The following MASP2 variants were observed in gnomAD, a reference collection of about 807,000 sequenced individuals.
The protein encoded by MASP2 is MBL associated serine protease 2.
In MASP2, 49 loss-of-function variants were observed where a neutral mutation model predicts 57.1. The observed-to-expected ratio is 0.86, with a 90% CI of 0.68 to 1.09. The LOEUF is 1.09. Ranked by LOEUF, MASP2 falls within the 50% of genes least tolerant of loss-of-function variation. The probability of loss-of-function intolerance (pLI) is 0.00; values close to 1 mark genes in which losing one functional copy is unlikely to be tolerated. For missense variants in MASP2, 900 were observed against 874.8 expected (o/e 1.03, Z -0.36); for synonymous variants, 379 against 340.8 (o/e 1.11, Z -1.24).
chr1:11,038,345 C>T (rs1322376594), intron 6 of MASP2, among the ~76,000 whole-genome samples: 1 of 152,080 alleles, frequency 6.6e-6, no homozygotes. Context: ...TAGTTCTTGG[C>T]GGAGCTGTAA....
chr1:11,034,153 G>T (rs574369719), intron 8 of MASP2, among the ~76,000 whole-genome samples: 3 of 149,424 alleles, frequency 2.0e-5, no homozygotes, highest in Non-Finnish European at 4.4e-5. Flanking sequence ...TGACGTGGGA[G>T]AATCGCTTGA....
intron 7 of MASP2, among the ~76,000 whole-genome samples, chr1:11,035,563 A>G (rs1458057573): frequency 7.0e-6 from 1 of 143,714 alleles, no homozygotes; most frequent in Non-Finnish European, 1.5e-5. Context: ...ATCATATCTC[A>G]ACATTTCTGC....
intron 8 of MASP2, 93 bp from the exon 9 acceptor site, chr1:11,030,975 G>A: frequency 6.0e-6 from 8 of 1,337,252 alleles, no homozygotes; most frequent in Non-Finnish European, 8.2e-6. Flanking sequence ...GGCTGAGGCG[G>A]GCAAATCCCT....
chr1:11,033,953 ACACACACACACACTCT>A (rs200205514), intron 8 of MASP2, among the ~76,000 whole-genome samples: 3,097 of 61,504 alleles, frequency 0.05, 93 homozygotes, highest in East Asian at 0.26. Context: ...ACACACACAC[ACACACACACACACTCT>A]CTCTCTCTCT....
rs774170581 is a variant in MASP2, at chr1:11,030,127, GTCC to G, written c.1297+46_1297+48del. The G allele has an allele frequency of 3.6e-6, 5 of 1,381,156 alleles. No individual in the cohort carries two copies. In the African/African-American group the frequency reaches 5.7e-5, roughly 16 times the overall value. 85.6% of individuals were successfully genotyped at this position (1,381,156 alleles called of 1,614,324 possible). A position where few individuals can be genotyped will look rare whatever the true frequency, so the allele number is the denominator to read the frequency against. On this transcript the variant is annotated intron_variant, in intron 10 of 10. Coordinates refer to ENST00000400897, the MANE Select transcript of MASP2 (RefSeq NM_006610.4). ...AGCTCTCCTCACTGTCTCCTACCCA[GTCC>G]TCCTTTCCATCAATTACCAGTCTCT...
At chr1:11,036,524 A>C (rs1484780773) in intron 7 of MASP2, among the ~76,000 whole-genome samples, 63 of 127,734 alleles carry the variant, frequency 4.9e-4, no homozygotes, top group African/African-American at 1.6e-3. Flanking sequence ...AAAAAAAAAA[A>C]AAAAAAAAAA....
chr1:11,027,662 C>CA lies in MASP2; in HGVS notation c.1298-15dup. ...ATAGTCCACAAACTGGAGAAAGAAG[C>CA]AGATAGGTAGAGAGCCTTTGTAAAA... On this transcript the variant is annotated splice_polypyrimidine_tract_variant and intron_variant, in intron 10 of 10. Coordinates refer to ENST00000400897, the MANE Select transcript of MASP2 (RefSeq NM_006610.4). 2 of 1,585,838 alleles carry CA rather than the reference C, an allele frequency of 1.3e-6. No homozygotes were observed. The highest frequency in any genetic ancestry group is 1.7e-6 in the Non-Finnish European group (2 of 1,166,672).
chr1:11,044,828 A>G (rs1638577180), intron 4 of MASP2: 3 of 1,447,168 alleles, frequency 2.1e-6, no homozygotes, highest in Admixed American at 2.1e-5. Context: ...TATTGGGTCC[A>G]TGGTGGGTGA....
intron 9 of MASP2, chr1:11,030,493 G>A (rs1344675329): frequency 5.2e-6 from 3 of 574,764 alleles, no homozygotes; most frequent in Non-Finnish European, 9.2e-6. Context: ...TTAATGATAA[G>A]GTGTTGACTT....
chr1:11,047,146 G>C, intron 1 of MASP2, 27 bp from the exon 2 acceptor site: 2 of 1,549,876 alleles, frequency 1.3e-6, no homozygotes, highest in Non-Finnish European at 1.7e-6. Context: ...GGCGGTGAGG[G>C]CCCAGGCCTG....
chr1:11,037,725 T>G lies in MASP2; in HGVS notation c.976A>C (p.Ile326Leu). The change falls in exon 7 of 11, where the codon ATC becomes CTC. Residue 326 changes from isoleucine (I) to leucine (L), a missense_variant. Physicochemically the swap from Ile to Leu is conservative, Grantham distance 5 (BLOSUM62 2). Coordinates refer to ENST00000400897, the MANE Select transcript of MASP2 (RefSeq NM_006610.4). ...AKYILKDSFS[I>L]FCETGYELLQ... The stretch of plus-strand genomic sequence containing the variant: ...AGCTCATAGCCAGTCTCGCAAAAGA[T>G]GGAGAAGCTGTCTTTCAGGATGTAT... 6.2e-7 allele frequency: 1 copy of G among 1,612,154 alleles called. No individual in the cohort carries two copies. Among genetic ancestry groups the G allele is most frequent in the Middle Eastern group, 1.7e-4 (1 of 6,054 alleles).
chr1:11,026,987 C>A lies in MASP2; in HGVS notation c.1959G>T (p.Val653=). The change falls in exon 11 of 11, where the codon GTG becomes GTT. Residue 653 remains valine (V), a synonymous_variant. Coordinates refer to ENST00000400897, the MANE Select transcript of MASP2 (RefSeq NM_006610.4). ...ETERWFVGGI[V]SWGSMNCGEA... is the part of the protein sequence containing the mutation. ...CCCCACAATTCATGGAACCCCAGGA[C>A]ACTATTCCTCCCACAAACCACCTCT... is the stretch of plus-strand genomic sequence containing the variant. The A allele has an allele frequency of 6.3e-7, 1 of 1,592,214 alleles. No homozygotes were observed. The highest frequency in any genetic ancestry group is 1.1e-5 in the South Asian group (1 of 87,238).
At chr1:11,036,816 C>T (rs1470988418) in intron 7 of MASP2, among the ~76,000 whole-genome samples, 1 of 152,036 alleles carries the variant, frequency 6.6e-6, no homozygotes. Context: ...ATACTCCTCC[C>T]TTAACAGTGA....
chr1:11,030,498 T>C (rs566450787), intron 9 of MASP2: 1 of 577,794 alleles, frequency 1.7e-6, no homozygotes, highest in South Asian at 2.2e-5. Flanking sequence ...GATAAGGTGT[T>C]GACTTGTTAA....
chr1:11,027,551 T>C lies in MASP2; in HGVS notation c.1395A>G (p.Gly465=). 6.2e-7 allele frequency: 1 copy of C among 1,614,200 alleles called. No individual in the cohort carries two copies. The highest frequency in any genetic ancestry group is 8.5e-7 in the Non-Finnish European group (1 of 1,180,030). ...ATAAAAGTGCACCTGCTGCTGTGGT[T>C]CCACCTAATATCAGGACTTGCCAAG... ...DFPWQVLILG[G]TTAAGALLYD... The change falls in exon 11 of 11, where the codon GGA becomes GGG. Residue 465 remains glycine, a synonymous_variant. Coordinates refer to ENST00000400897, the MANE Select transcript of MASP2 (RefSeq NM_006610.4).
chr1:11,028,983 CT>C (rs200906324), intron 10 of MASP2, among the ~76,000 whole-genome samples: 43 of 134,526 alleles, frequency 3.2e-4, no homozygotes, highest in Non-Finnish European at 5.5e-4. Context: ...AAAGTGCTGA[CT>C]TTTTTTTTCT....
intron 9 of MASP2, 119 bp downstream of exon 9, chr1:11,030,629 A>G: frequency 8.1e-6 from 9 of 1,104,562 alleles, no homozygotes; most frequent in Non-Finnish European, 1.1e-5. Flanking sequence ...CGGATGGGAG[A>G]AGTGGCTTTT....
Position 11,043,472 on chromosome 1 carries a change from C to G in MASP2, c.608G>C (p.Arg203Pro). The stretch of plus-strand genomic sequence containing the variant: ...GCAACTGGAGAGTTTGGGATACGGC[C>G]GTGGGTATTCAGGGCTGCTGAGCTC... The part of the protein sequence containing the change: ...SGELSSPEYP[R>P]PYPKLSSCTY... Residue 203 changes from arginine to proline, a missense_variant, in exon 5 of 11, where the codon CGG (arginine) becomes CCG (proline). Coordinates refer to ENST00000400897, the MANE Select transcript of MASP2 (RefSeq NM_006610.4). 1 of 1,609,858 alleles carries G rather than the reference C, an allele frequency of 6.2e-7. No homozygotes were observed. The highest frequency in any genetic ancestry group is 8.5e-7 in the Non-Finnish European group (1 of 1,178,622).
At position 11,034,830 on chromosome 1, in the gene MASP2, C is replaced by T. The variant is rs1557669900; in HGVS notation, c.1085G>A (p.Ser362Asn). 6.2e-7 allele frequency: 1 copy of T among 1,611,038 alleles called. No homozygotes were observed. Among genetic ancestry groups the T allele is most frequent in the Non-Finnish European group, 8.5e-7 (1 of 1,178,618 alleles). Reference protein sequence around the residue: ...GSWDRPMPACSIVDCGPPDDL... With the variant: ...GSWDRPMPACNIVDCGPPDDL... ...CTGTAGTCACCACACGACCGTACTG[C>T]TGCACGCGGGCATTGGCCGGTCCCA... is the stretch of plus-strand genomic sequence containing the variant. The change falls in exon 8 of 11, where the codon AGC becomes AAC. Residue 362 changes from serine (S) to asparagine (N), a missense_variant and splice_region_variant. Transcript: ENST00000400897.
Sources: gnomAD v4.1 joint callset for allele counts (sites outside exome capture counted in the v4.1 genomes callset) on GRCh38, gnomAD v4.1.1 for gene constraint, MANE v1.5 for transcripts, NCBI Gene and HGNC (gene_info 2026-07-23, HGNC 2026-07-21) for gene names.